Variants in CEP89 observed in about 807,000 individuals in gnomAD.
The protein encoded by CEP89 is centrosomal protein 89.
CEP89 carries 95 observed loss-of-function variants against 97.6 expected under a neutral mutation model. That is an observed-to-expected ratio of 0.97 (90% CI 0.82 to 1.15). The LOEUF (loss-of-function observed/expected upper bound fraction) is 1.15. Ranked by LOEUF, CEP89 falls within the 50% of genes most tolerant of loss-of-function variation. The pLI, the probability that CEP89 is intolerant of heterozygous loss-of-function variation, is 0.00. For synonymous variants in CEP89, 354 were observed against 349.1 expected, an observed-to-expected ratio of 1.01 and a Z score of -0.16; for missense variants, 869 against 947.7, an observed-to-expected ratio of 0.92 and a Z score of 1.09.
At chr19:32,957,850 G>A (rs907370558) in intron 3 of CEP89, among the ~76,000 whole-genome samples, 1 of 151,862 alleles carries the variant, frequency 6.6e-6, no homozygotes, top group Admixed American at 6.6e-5. Context: ...AAATAAATTA[G>A]CCAAGCACGG....
At chr19:32,925,354 A>G (rs1026269186) in intron 11 of CEP89, among the ~76,000 whole-genome samples, 1 of 152,074 alleles carries the variant, frequency 6.6e-6, no homozygotes, top group Non-Finnish European at 1.5e-5. Flanking sequence ...AATGGATAAA[A>G]ACCTCACTTC....
Position 32,966,356 on chromosome 19 carries a change from T to G in CEP89, c.146+4A>C, listed in dbSNP as rs369261942. 6.6e-7 allele frequency: 1 copy of G among 1,510,696 alleles called. No individual in the cohort carries two copies. The highest frequency in any genetic ancestry group is 8.9e-7 in the Non-Finnish European group (1 of 1,118,600). The allele number at this position is 1,510,696 out of a possible 1,614,324, so 93.6% of individuals were successfully genotyped here. On this transcript the variant is annotated splice_donor_region_variant and intron_variant, in intron 2 of 18. Coordinates refer to ENST00000305768, the MANE Select transcript of CEP89 (RefSeq NM_032816.5). ...ACCTCAGTGCCTGCTCATCTGATACTCACCTTGGTCTCTCTGGAGATGGGT... is the reference window on the plus strand; with the variant it reads ...ACCTCAGTGCCTGCTCATCTGATACGCACCTTGGTCTCTCTGGAGATGGGT...
At chr19:32,901,115 G>A (rs1969759220) in intron 15 of CEP89, 130 bp downstream of exon 15, 1 of 839,578 alleles carries the variant, frequency 1.2e-6, no homozygotes, top group South Asian at 1.7e-5. Flanking sequence ...TTGAACTTCT[G>A]ACCTCAAATG....
intron 15 of CEP89, 41 bp from the exon 16 acceptor site, chr19:32,900,039 G>C: frequency 6.3e-7 from 1 of 1,593,266 alleles, no homozygotes; most frequent in Non-Finnish European, 8.6e-7. Context: ...AAGCCCATTA[G>C]TTTACATGGC....
chr19:32,967,975 C>G (rs922663917), intron 1 of CEP89, among the ~76,000 whole-genome samples: 2 of 152,096 alleles, frequency 1.3e-5, no homozygotes, highest in African/African-American at 4.8e-5. Flanking sequence ...AGGTAGTGGT[C>G]AGCACGAGAC....
chr19:32,937,559 T>G, intron 7 of CEP89, 72 bp downstream of exon 7: 2 of 1,181,454 alleles, frequency 1.7e-6, no homozygotes, highest in Non-Finnish European at 2.5e-6. Flanking sequence ...AATCTTTATT[T>G]TCAGATAAAA....
intron 9 of CEP89, among the ~76,000 whole-genome samples, chr19:32,927,665 T>G (rs1001341130): frequency 6.6e-6 from 1 of 151,914 alleles, no homozygotes; most frequent in African/African-American, 2.4e-5. Context: ...AGTGCAGTGG[T>G]GAGATCATGG....
intron 2 of CEP89, among the ~76,000 whole-genome samples, chr19:32,965,503 C>A (rs548047942): frequency 6.6e-6 from 1 of 151,626 alleles, no homozygotes; most frequent in Non-Finnish European, 1.5e-5. Context: ...GGATTTCAGC[C>A]TGGGAAACAT....
chr19:32,927,686 C>T (rs1011312657), intron 9 of CEP89, among the ~76,000 whole-genome samples: 3 of 151,986 alleles, frequency 2.0e-5, no homozygotes, highest in African/African-American at 7.3e-5. Flanking sequence ...CTCACTGCAA[C>T]TTCTGCCTTC....
intron 11 of CEP89, among the ~76,000 whole-genome samples, chr19:32,925,525 C>T (rs1970339653): frequency 1.4e-5 from 2 of 147,630 alleles, no homozygotes; most frequent in Non-Finnish European, 3.0e-5. Flanking sequence ...AGTCTGGCCC[C>T]ATCGCCAGGC....
chr19:32,881,152 A>G (rs1464046027), intron 18 of CEP89, among the ~76,000 whole-genome samples: 1 of 152,152 alleles, frequency 6.6e-6, no homozygotes, highest in Non-Finnish European at 1.5e-5. Flanking sequence ...AGAGTTTAAA[A>G]AAGTTGGGCA....
chr19:32,948,227 T>A (rs1027685264), intron 5 of CEP89, 39 bp downstream of exon 5: 1 of 1,179,910 alleles, frequency 8.5e-7, no homozygotes, highest in Non-Finnish European at 1.2e-6. Flanking sequence ...TGAAAAAATG[T>A]TCTTATATTT....
In CEP89 at chr19:32,879,147, G is replaced by A. The variant is rs745439546; in HGVS notation, c.*15C>T. On this transcript the variant is annotated 3_prime_UTR_variant, in exon 19 of 19. Transcript: ENST00000305768. Reference sequence around the variant, plus strand: ...TTCAGGCCAGAGGAGGCTACACCACGGGCTCCCGCAGATTCTAGCAGGTGG... The same window carrying A: ...TTCAGGCCAGAGGAGGCTACACCACAGGCTCCCGCAGATTCTAGCAGGTGG... The A allele has an allele frequency of 2.0e-5, 32 of 1,591,720 alleles. No individual in the cohort carries two copies. Among genetic ancestry groups the A allele is most frequent in the Admixed American group, 6.9e-5 (4 of 58,054 alleles).
rs201150324 is a variant in CEP89 at position 32,881,939 on chromosome 19, G to A, written c.2040C>T (p.Ala680=). Residue 680 remains alanine (A), a synonymous_variant, in exon 18 of 19, where the codon GCC becomes GCT. Coordinates refer to ENST00000305768, the MANE Select transcript of CEP89 (RefSeq NM_032816.5). ...HRLLEQQEDF[A]GKTAQYRQEM... is the part of the protein sequence containing the mutation. ...CCTGCCGGTACTGGGCTGTCTTGCC[G>A]GCGAAGTCCTCCTGCTGCTCCAGCA... 52 of 1,599,512 alleles carry A rather than the reference G, an allele frequency of 3.3e-5. No homozygotes were observed. The highest frequency in any genetic ancestry group is 4.5e-5 in the East Asian group (2 of 44,412).
intron 2 of CEP89, chr19:32,965,992 T>G (rs1449390054): frequency 6.5e-6 from 1 of 154,570 alleles, no homozygotes; most frequent in African/African-American, 2.4e-5. Flanking sequence ...CACTCCAGCC[T>G]GGGCAACAGA....
At chr19:32,968,795 C>T (rs1971338048) in intron 1 of CEP89, 1 of 152,200 alleles carries the variant, frequency 6.6e-6, no homozygotes, top group Admixed American at 6.5e-5. Flanking sequence ...TGGTTCCTAC[C>T]AAGTGTTATG....
rs1455412936 is a variant in CEP89 at position 32,899,856 on chromosome 19, C to A, written c.1875+1G>T. On this transcript the variant is annotated splice_donor_variant, in intron 16 of 18. Coordinates refer to ENST00000305768, the MANE Select transcript of CEP89 (RefSeq NM_032816.5). LOFTEE classifies it high-confidence loss of function. Reference sequence around the variant, plus strand: ...CTTGATGTAACCTTCAGGAAACTTACCAAACACATAAGACTGTCACGTTCC... The same window carrying A: ...CTTGATGTAACCTTCAGGAAACTTAACAAACACATAAGACTGTCACGTTCC... The A allele has an allele frequency of 2.5e-6, 4 of 1,611,166 alleles. No individual in the cohort carries two copies. Among genetic ancestry groups the A allele is most frequent in the African/African-American group, 2.7e-5 (2 of 74,806 alleles).
intron 5 of CEP89, among the ~76,000 whole-genome samples, chr19:32,944,220 T>TAAAAAAAAATAAAAAAAAAAA (rs1970747445): frequency 1.6e-5 from 1 of 62,420 alleles, no homozygotes; most frequent in Non-Finnish European, 3.0e-5. Context: ...TGAGACCCTG[T>TAAAAAAAAATAAAAAAAAAAA]AAAAAAAAAA....
intron 4 of CEP89, among the ~76,000 whole-genome samples, 155 bp downstream of exon 4, chr19:32,953,460 A>C (rs1970968231): frequency 1.3e-5 from 2 of 152,120 alleles, no homozygotes; most frequent in African/African-American, 4.8e-5. Flanking sequence ...ATCTAACCAG[A>C]TAGAAATGAG....
Sources: gnomAD v4.1 joint callset for allele counts (sites outside exome capture counted in the v4.1 genomes callset) on GRCh38, gnomAD v4.1.1 for gene constraint, MANE v1.5 for transcripts, NCBI Gene and HGNC (gene_info 2026-07-23, HGNC 2026-07-21) for gene names.